PAM: variants seen among roughly 807,000 people sequenced by gnomAD.
PAM encodes peptidyl-glycine alpha-amidating monooxygenase.
PAM carries 72 observed loss-of-function variants against 122.1 expected under a neutral mutation model. The ratio of observed to expected loss-of-function variants is 0.59; its 90% CI spans 0.49 to 0.72. PAM has a LOEUF of 0.72. Ranked by LOEUF, PAM falls within the 30% of genes least tolerant of loss-of-function variation. The pLI is 0.00. For missense variants in PAM, 1,106 were observed against 1,183.7 expected (o/e 0.93, Z 0.96); for synonymous variants, 389 against 404.4 (o/e 0.96, Z 0.46).
At chr5:102,909,981 G>A (rs374772615) in intron 4 of PAM, among the ~76,000 whole-genome samples, 44 of 151,880 alleles carry the variant, frequency 2.9e-4, no homozygotes, top group African/African-American at 9.6e-4. Flanking sequence ...AATTGTTCCT[G>A]CCATTTCCAA....
At chr5:102,865,423 G>T (rs114516405) in intron 1 of PAM, 77 of 152,192 alleles carry the variant, frequency 5.1e-4, no homozygotes, top group African/African-American at 1.8e-3. Flanking sequence ...TTTTTTCCTT[G>T]CGCCTTAGCC....
chr5:102,932,173 C>G (rs533926644), intron 7 of PAM, among the ~76,000 whole-genome samples: 4 of 152,260 alleles, frequency 2.6e-5, no homozygotes, highest in African/African-American at 9.6e-5. Context: ...AATGTTAAAA[C>G]ATCTTGGATA....
intron 3 of PAM, among the ~76,000 whole-genome samples, chr5:102,872,551 A>G (rs535884580): frequency 6.6e-5 from 10 of 152,302 alleles, no homozygotes; most frequent in African/African-American, 2.2e-4. Context: ...CAATACATGT[A>G]TAATCTGTAA....
intron 3 of PAM, among the ~76,000 whole-genome samples, chr5:102,900,869 A>G (rs934779872): frequency 1.3e-5 from 2 of 151,626 alleles, no homozygotes; most frequent in African/African-American, 4.8e-5. Context: ...ATTACATAAA[A>G]AAATTTAAAG....
At chr5:102,788,269 C>G (rs1761098598) in intron 1 of PAM, among the ~76,000 whole-genome samples, 1 of 152,038 alleles carries the variant, frequency 6.6e-6, no homozygotes, top group African/African-American at 2.4e-5. Flanking sequence ...TGCCCACATA[C>G]TTTATTTGAA....
At chr5:103,027,131 TAAG>T (rs906562199) in intron 24 of PAM, among the ~76,000 whole-genome samples, 5 of 152,232 alleles carry the variant, frequency 3.3e-5, no homozygotes, top group African/African-American at 1.2e-4. Flanking sequence ...TTATCCAGTC[TAAG>T]GTTATTAAAA....
chr5:102,851,244 G>C lies in PAM; in HGVS notation c.-373-14579G>C, dbSNP rs538925646. On this transcript the variant is annotated intron_variant, in intron 1 of 25. Transcript: ENST00000438793. ...ATTCAGGAGTGTGAGTGAATACTTA[G>C]GTTGTGTGTATATGTATTTTGATTA... Among the ~76,000 whole-genome samples the C allele has an allele frequency of 2.3e-3, 356 of 152,228 alleles. 3 individuals are homozygous for C. The highest frequency in any genetic ancestry group is 0.01 in the Middle Eastern group (3 of 294).
At chr5:102,762,372 G>T (rs1016778532) in intron 1 of PAM, among the ~76,000 whole-genome samples, 6 of 152,170 alleles carry the variant, frequency 3.9e-5, no homozygotes, top group African/African-American at 1.4e-4. Context: ...CTCAGGCAGG[G>T]TGTGGTAAGT....
At chr5:103,016,895 G>A (rs1331153682) in intron 21 of PAM, among the ~76,000 whole-genome samples, 1 of 151,992 alleles carries the variant, frequency 6.6e-6, no homozygotes, top group East Asian at 1.9e-4. Context: ...AGCTTGATGG[G>A]AATAATAAAA....
In PAM at chr5:103,025,210, A is replaced by G. The variant is rs1051164; in HGVS notation, c.2565A>G (p.Lys855=). ...SELQKMQEKQ[K]LIKEPGSGVP... is the part of the protein sequence containing the mutation. Reference sequence around the variant, plus strand: ...TGCAGAAGATGCAAGAGAAACAGAAACTGATCAAAGAGCCAGGCTCGGGAG... The same window carrying G: ...TGCAGAAGATGCAAGAGAAACAGAAGCTGATCAAAGAGCCAGGCTCGGGAG... Residue 855 remains lysine (K), a synonymous_variant, in exon 24 of 26, where the codon AAA becomes AAG. Coordinates refer to ENST00000438793, the MANE Select transcript of PAM (RefSeq NM_001177306.2). 1 of 1,613,794 alleles carries G rather than the reference A, an allele frequency of 6.2e-7. No homozygotes were observed. The highest frequency in any genetic ancestry group is 1.3e-5 in the African/African-American group (1 of 75,010).
chr5:102,845,750 A>G (rs979012193), intron 1 of PAM, among the ~76,000 whole-genome samples: 2 of 152,210 alleles, frequency 1.3e-5, no homozygotes, highest in African/African-American at 4.8e-5. Context: ...TTTAATTATT[A>G]GTGCTTTTAT....
chr5:102,847,322 C>G (rs956252887), intron 1 of PAM, among the ~76,000 whole-genome samples: 4 of 152,240 alleles, frequency 2.6e-5, no homozygotes, highest in Non-Finnish European at 5.9e-5. Context: ...GCCTATAATC[C>G]CAGCTACTCG....
In PAM at chr5:102,806,724, T is replaced by C. The variant is rs75198574; in HGVS notation, c.-374+51376T>C. 1.1e-3 allele frequency among the ~76,000 whole-genome samples: 174 copies of C among 152,332 alleles called. 3 individuals are homozygous for C. The East Asian group carries it at 0.023, about 20-fold the overall frequency. ...ATTTTGTTGGAAAGCTTTTGTACTT[T>C]ACCTGAATCTAGAAAATCTGAATTA... is the stretch of plus-strand genomic sequence containing the variant. On this transcript the variant is annotated intron_variant, in intron 1 of 25. Transcript: ENST00000438793.
chr5:102,811,186 C>T (rs1767797912), intron 1 of PAM, among the ~76,000 whole-genome samples: 2 of 152,202 alleles, frequency 1.3e-5, no homozygotes, highest in Admixed American at 1.3e-4. Context: ...TAACAAATTG[C>T]CACCAACTTG....
chr5:102,829,286 C>T (rs1774654815), intron 1 of PAM, among the ~76,000 whole-genome samples: 1 of 150,978 alleles, frequency 6.6e-6, no homozygotes, highest in Non-Finnish European at 1.5e-5. Flanking sequence ...AAAATATGTT[C>T]ATATAAACAG....
intron 1 of PAM, among the ~76,000 whole-genome samples, chr5:102,832,234 T>C (rs1209188093): frequency 6.6e-6 from 1 of 152,196 alleles, no homozygotes; most frequent in Non-Finnish European, 1.5e-5. Context: ...ATAATATTAT[T>C]GGAGCTAGCA....
intron 1 of PAM, among the ~76,000 whole-genome samples, chr5:102,758,411 T>G (rs920530291): frequency 2.0e-5 from 3 of 152,326 alleles, no homozygotes; most frequent in Non-Finnish European, 1.5e-5. Context: ...GAAATGAGAT[T>G]AAAGATCCTT....
At position 102,990,356 on chromosome 5, in the gene PAM, A is replaced by C; in HGVS notation, c.1568A>C (p.Asn523Thr). The C allele has an allele frequency of 6.2e-6, 10 of 1,609,594 alleles. No homozygotes were observed. Among genetic ancestry groups the C allele is most frequent in the Non-Finnish European group, 8.5e-6 (10 of 1,176,838 alleles). ...TCTGGGGTGGCTCTAGACCCTAAGA[A>C]TAACCTGGTGATTTTCCACAGAGGT... ...QVSGVALDPK[N>T]NLVIFHRGDH... The change falls in exon 16 of 26, where the codon AAT becomes ACT. Residue 523 changes from asparagine to threonine, a missense_variant. Physicochemically the swap from Asn to Thr is moderately conservative, Grantham distance 65. Coordinates refer to ENST00000438793, the MANE Select transcript of PAM (RefSeq NM_001177306.2).
chr5:102,758,068 ATTTTGTTTTTTTTTTTTTTTTTTTTTT>A (rs1751067614), intron 1 of PAM, among the ~76,000 whole-genome samples: 1,230 of 87,646 alleles, frequency 0.014, 54 homozygotes, highest in African/African-American at 0.051. Flanking sequence ...AAGACTTAGA[ATTTTGTTTTTTTTTTTTTTTTTTTTTT>A]TTTTTTTTTT....
Sources: gnomAD v4.1 joint callset for allele counts (sites outside exome capture counted in the v4.1 genomes callset) on GRCh38, gnomAD v4.1.1 for gene constraint, MANE v1.5 for transcripts, NCBI Gene and HGNC (gene_info 2026-07-23, HGNC 2026-07-21) for gene names.